MMP16: variants seen among roughly 807,000 people sequenced by gnomAD.
The protein encoded by MMP16 is matrix metallopeptidase 16, also known as matrix metalloproteinase-16.
In MMP16, 12 loss-of-function variants were observed where a neutral mutation model predicts 67.8. The observed-to-expected ratio is 0.18, with a 90% CI of 0.11 to 0.29. The LOEUF is 0.29. Ranked by LOEUF, MMP16 falls within the 10% of genes least tolerant of loss-of-function variation. MMP16 has a pLI of 1.00. For synonymous variants in MMP16, 249 were observed against 255.9 expected, an observed-to-expected ratio of 0.97 and a Z score of 0.26; for missense variants, 475 against 765.7, an observed-to-expected ratio of 0.62 and a Z score of 4.48.
chr8:88,090,965 G>C (rs1041027149), intron 6 of MMP16, among the ~76,000 whole-genome samples: 9 of 151,756 alleles, frequency 5.9e-5, no homozygotes, highest in Non-Finnish European at 1.2e-4. Flanking sequence ...TCCTGGAAGG[G>C]GGAAAGTCTT....
chr8:88,055,365 G>T (rs1035580573), intron 8 of MMP16, among the ~76,000 whole-genome samples: 2 of 152,002 alleles, frequency 1.3e-5, no homozygotes, highest in African/African-American at 2.4e-5. Context: ...GTGCCAAAAC[G>T]CCTGGCTAAT....
intron 1 of MMP16, among the ~76,000 whole-genome samples, chr8:88,277,342 C>G (rs987230792): frequency 1.3e-5 from 2 of 152,108 alleles, no homozygotes; most frequent in Admixed American, 1.3e-4. Flanking sequence ...TACAAGTATT[C>G]TATTCAGGTT....
Position 88,283,778 on chromosome 8 carries a change from A to T in MMP16, c.132+43297T>A, listed in dbSNP as rs139163308. 1.4e-3 allele frequency among the ~76,000 whole-genome samples: 208 copies of T among 152,284 alleles called. 2 individuals are homozygous for T. The highest frequency in any genetic ancestry group is 4.2e-3 in the African/African-American group (175 of 41,558). ...CCTGTGATACCGAGAACATATAAAA[A>T]TTTACTCATATTCCCATAAATGTAC... On this transcript the variant is annotated intron_variant, in intron 1 of 9. Coordinates refer to ENST00000286614, the MANE Select transcript of MMP16 (RefSeq NM_005941.5).
At chr8:88,105,949 T>C (rs1241684450) in intron 6 of MMP16, among the ~76,000 whole-genome samples, 1 of 150,822 alleles carries the variant, frequency 6.6e-6, no homozygotes, top group Admixed American at 6.6e-5. Context: ...CATTACAGTA[T>C]TAGTCCTTTG....
intron 1 of MMP16, among the ~76,000 whole-genome samples, chr8:88,297,961 G>A (rs1388872490): frequency 6.6e-6 from 1 of 152,110 alleles, no homozygotes; most frequent in African/African-American, 2.4e-5. Context: ...GAAATTCAAT[G>A]CAACCAAGCA....
chr8:88,170,567 T>A (rs1353445206), intron 3 of MMP16, among the ~76,000 whole-genome samples: 1 of 152,204 alleles, frequency 6.6e-6, no homozygotes, highest in Non-Finnish European at 1.5e-5. Flanking sequence ...ATTGGCACTG[T>A]TCCAGGTGCC....
chr8:88,246,932 T>C (rs1810121697), intron 1 of MMP16, among the ~76,000 whole-genome samples: 2 of 152,192 alleles, frequency 1.3e-5, no homozygotes, highest in African/African-American at 4.8e-5. Context: ...AATTAAATCT[T>C]ATTCTGAGTG....
rs146025940 is a variant in MMP16 at position 88,208,265 on chromosome 8, C to T, written c.133-10959G>A. On this transcript the variant is annotated intron_variant, in intron 1 of 9. Coordinates refer to ENST00000286614, the MANE Select transcript of MMP16 (RefSeq NM_005941.5). ...AATGTAGTTGGGTTTATGGTCAGGA[C>T]TGCCCATGTTCTAAAAGCTGCTACC... 6.4e-3 allele frequency among the ~76,000 whole-genome samples: 969 copies of T among 152,270 alleles called. 7 individuals carry two copies. Among genetic ancestry groups the T allele is most frequent in the African/African-American group, 0.022 (916 of 41,560 alleles).
chr8:88,319,526 A>G (rs1363399628), intron 1 of MMP16, among the ~76,000 whole-genome samples: 2 of 152,090 alleles, frequency 1.3e-5, no homozygotes, highest in African/African-American at 4.8e-5. Flanking sequence ...ATTAGAACCT[A>G]AAATAAAAAC....
chr8:88,256,378 C>T (rs781374304), intron 1 of MMP16, among the ~76,000 whole-genome samples: 15 of 152,004 alleles, frequency 9.9e-5, no homozygotes, highest in Non-Finnish European at 5.9e-5. Flanking sequence ...ATGGTCAAAT[C>T]GACTTCACAC....
intron 3 of MMP16, among the ~76,000 whole-genome samples, chr8:88,181,364 G>C (rs920748948): frequency 6.6e-6 from 1 of 151,866 alleles, no homozygotes; most frequent in African/African-American, 2.4e-5. Flanking sequence ...ATATATAAAA[G>C]TCAATTGCTT....
At chr8:88,087,170 T>G (rs1353501666) in intron 6 of MMP16, among the ~76,000 whole-genome samples, 1 of 151,858 alleles carries the variant, frequency 6.6e-6, no homozygotes, top group East Asian at 1.9e-4. Context: ...CTACTTAGAT[T>G]ATAAATCACT....
chr8:88,208,634 GA>G (rs1363644280), intron 1 of MMP16, among the ~76,000 whole-genome samples: 1 of 152,064 alleles, frequency 6.6e-6, no homozygotes, highest in Non-Finnish European at 1.5e-5. Context: ...CCAATAGAGA[GA>G]AAATCATGAG....
intron 4 of MMP16, among the ~76,000 whole-genome samples, chr8:88,160,976 G>A (rs1324642913): frequency 3.3e-5 from 5 of 152,058 alleles, no homozygotes; most frequent in Non-Finnish European, 7.4e-5. Flanking sequence ...TTTTTGCATC[G>A]ATGTTCATCA....
intron 1 of MMP16, among the ~76,000 whole-genome samples, chr8:88,252,927 T>C (rs1810248565): frequency 6.6e-6 from 1 of 152,120 alleles, no homozygotes; most frequent in Non-Finnish European, 1.5e-5. Context: ...AATTGCTAAA[T>C]GAATAGTAGA....
chr8:88,166,008 ATT>A (rs1808704874), intron 4 of MMP16, among the ~76,000 whole-genome samples: 3 of 152,040 alleles, frequency 2.0e-5, no homozygotes, highest in Non-Finnish European at 4.4e-5. Flanking sequence ...TATATACTTT[ATT>A]TTATTTTGGA....
chr8:88,249,226 A>G (rs1003561889), intron 1 of MMP16, among the ~76,000 whole-genome samples: 1 of 152,082 alleles, frequency 6.6e-6, no homozygotes, highest in Non-Finnish European at 1.5e-5. Flanking sequence ...GAAAAGAATT[A>G]TATCTGATGG....
chr8:88,192,550 G>A (rs12544601), intron 2 of MMP16, among the ~76,000 whole-genome samples: 2,033 of 152,172 alleles, frequency 0.013, 76 homozygotes, highest in East Asian at 0.073. Flanking sequence ...ATGTGATAGC[G>A]TTTTAATGCC....
At chr8:88,280,318 T>G (rs977196386) in intron 1 of MMP16, among the ~76,000 whole-genome samples, 3 of 152,192 alleles carry the variant, frequency 2.0e-5, no homozygotes, top group Non-Finnish European at 4.4e-5. Context: ...TATCCTAAAA[T>G]TTAAACTCCA....
Sources: allele counts gnomAD v4.1 joint callset (sites outside exome capture counted in the v4.1 genomes callset), GRCh38; gene constraint gnomAD v4.1.1; transcripts MANE v1.5; gene names NCBI Gene and HGNC (gene_info 2026-07-23, HGNC 2026-07-21).